SMOC1: variants seen among roughly 807,000 people sequenced by gnomAD.
SMOC1 encodes the protein SPARC related modular calcium binding 1.
In SMOC1, 22 loss-of-function variants were observed where a neutral mutation model predicts 56.3. That is an observed-to-expected ratio of 0.39 (90% CI 0.28 to 0.56). The LOEUF (loss-of-function observed/expected upper bound fraction) is 0.56. Ranked by LOEUF, SMOC1 falls within the 20% of genes least tolerant of loss-of-function variation. The pLI, the probability that SMOC1 is intolerant of heterozygous loss-of-function variation, is 0.61. For missense variants in SMOC1, 509 were observed against 565.4 expected, an observed-to-expected ratio of 0.90 and a Z score of 1.01; for synonymous variants, 193 against 215.0, an observed-to-expected ratio of 0.90 and a Z score of 0.89.
In SMOC1 at chr14:69,879,614, G is replaced by T. The variant is rs1883573791; in HGVS notation, c.-65G>T. 1.0e-5 allele frequency: 13 copies of T among 1,271,786 alleles called. No homozygotes were observed. The South Asian group carries it at 1.8e-4, about 18-fold the overall frequency. The allele number at this position is 1,271,786 out of a possible 1,614,324, so 78.8% of individuals were successfully genotyped here. A position where few individuals can be genotyped will look rare whatever the true frequency, so the allele number is the denominator to read the frequency against. On this transcript the variant is annotated 5_prime_UTR_variant, in exon 1 of 12. Transcript: ENST00000361956. ...CCCGAGCGAAGGAAGGAAGGGAGGCGCGCTGTGCGCCCCGCGGAGCCCGCG... is the reference window on the plus strand; with the variant it reads ...CCCGAGCGAAGGAAGGAAGGGAGGCTCGCTGTGCGCCCCGCGGAGCCCGCG...
At position 70,014,423 on chromosome 14, in the gene SMOC1, G is replaced by T. The variant is rs574321295; in HGVS notation, c.1046+932G>T. 1.2e-4 allele frequency among the ~76,000 whole-genome samples: 19 copies of T among 152,304 alleles called. No individual in the cohort carries two copies. The East Asian group carries it at 3.3e-3, about 26-fold the overall frequency. On this transcript the variant is annotated intron_variant, in intron 10 of 11. Transcript: ENST00000361956. ...ATCAAAGAAAAGATAGGTAGATAAA[G>T]AAAAGAGAAAGCCATTCCAGAGAGA...
At chr14:69,985,937 T>C (rs1418549618) in intron 5 of SMOC1, among the ~76,000 whole-genome samples, 1 of 152,198 alleles carries the variant, frequency 6.6e-6, no homozygotes, top group Non-Finnish European at 1.5e-5. Context: ...TAGGTATGTA[T>C]GGGGAAAAAA....
intron 1 of SMOC1, among the ~76,000 whole-genome samples, chr14:69,911,942 G>A (rs188359404): frequency 2.0e-5 from 3 of 152,330 alleles, no homozygotes; most frequent in Admixed American, 6.5e-5. Context: ...GTTTTCCAGA[G>A]TGACTGTACC....
chr14:70,021,930 C>T (rs79369163), intron 10 of SMOC1, among the ~76,000 whole-genome samples: 4 of 152,164 alleles, frequency 2.6e-5, no homozygotes, highest in African/African-American at 7.2e-5. Flanking sequence ...GACAGGCCTT[C>T]GACCCTGATC....
In SMOC1 at chr14:69,880,388, T is replaced by TC. The variant is rs2139277247; in HGVS notation, c.99+612dup. Among the ~76,000 whole-genome samples the TC allele has an allele frequency of 2.0e-5, 3 of 152,234 alleles. No homozygotes were observed. The East Asian group carries it at 5.8e-4, about 29-fold the overall frequency. ...GTGGGAGGGGAGAGTTGCGCAATGTTCAGGGGTCTCTCCCCCTGGGTTCAG... is the reference window on the plus strand; with the variant it reads ...GTGGGAGGGGAGAGTTGCGCAATGTTCCAGGGGTCTCTCCCCCTGGGTTCAG... On this transcript the variant is annotated intron_variant, in intron 1 of 11. Coordinates refer to ENST00000361956, the MANE Select transcript of SMOC1 (RefSeq NM_001034852.3).
chr14:69,962,164 T>TC (rs1270318879), intron 3 of SMOC1, among the ~76,000 whole-genome samples: 1 of 149,278 alleles, frequency 6.7e-6, no homozygotes, highest in Non-Finnish European at 1.5e-5. Flanking sequence ...ACTCTCTCTC[T>TC]TTTTTTTTTA....
chr14:69,978,815 G>A (rs985651979), intron 5 of SMOC1, among the ~76,000 whole-genome samples: 4 of 152,074 alleles, frequency 2.6e-5, no homozygotes, highest in African/African-American at 4.8e-5. Flanking sequence ...CACAAGTGAC[G>A]TAGCTGGCAT....
intron 1 of SMOC1, among the ~76,000 whole-genome samples, chr14:69,933,705 A>T (rs988928521): frequency 5.9e-5 from 9 of 152,102 alleles, no homozygotes; most frequent in East Asian, 5.8e-4. Context: ...TTTAGTAGAG[A>T]CAGGGTGTCC....
chr14:69,972,021 C>A (rs1162755161), intron 3 of SMOC1, among the ~76,000 whole-genome samples: 2 of 152,126 alleles, frequency 1.3e-5, no homozygotes, highest in Non-Finnish European at 2.9e-5. Flanking sequence ...TGGGCACTTA[C>A]CCTGTGAGCT....
intron 6 of SMOC1, chr14:69,994,117 C>G (rs1462089119): frequency 2.1e-6 from 1 of 484,262 alleles, no homozygotes; most frequent in Non-Finnish European, 3.8e-6. Context: ...TTCCTTACCT[C>G]CTGGGATAAT....
chr14:69,976,471 A>G (rs1322461088), intron 4 of SMOC1, among the ~76,000 whole-genome samples: 1 of 152,218 alleles, frequency 6.6e-6, no homozygotes, highest in Non-Finnish European at 1.5e-5. Context: ...TGATGATTAG[A>G]CAAGTTAGCA....
At position 70,010,788 on chromosome 14, in the gene SMOC1, T is replaced by C; in HGVS notation, c.699T>C (p.Ser233=). 3.1e-6 allele frequency: 5 copies of C among 1,614,132 alleles called. No individual in the cohort carries two copies. Among genetic ancestry groups the C allele is most frequent in the Non-Finnish European group, 4.2e-6 (5 of 1,180,020 alleles). Residue 233 remains serine (S), a synonymous_variant, in exon 8 of 12, where the codon AGT becomes AGC. Transcript: ENST00000361956. ...ATTCGTGTGACCAGGAGAGGCAGAGTGCCCTGGAAGAGGCCCAGCAGAATC... is the reference window on the plus strand; with the variant it reads ...ATTCGTGTGACCAGGAGAGGCAGAGCGCCCTGGAAGAGGCCCAGCAGAATC... The part of the protein sequence containing the change: ...KVYSCDQERQ[S]ALEEAQQNPR...
chr14:70,031,121 A>G lies in SMOC1; in HGVS notation c.*863A>G, dbSNP rs1886136161. On this transcript the variant is annotated 3_prime_UTR_variant, in exon 12 of 12. Coordinates refer to ENST00000361956, the MANE Select transcript of SMOC1 (RefSeq NM_001034852.3). ...GCATTACGTCACTCGAAACGTTTTC[A>G]TCCATGCTTAGCATCTACTCTGTAT... 1 of 152,230 alleles carries G rather than the reference A, an allele frequency of 6.6e-6. No individual in the cohort carries two copies. Among genetic ancestry groups the G allele is most frequent in the South Asian group, 2.1e-4 (1 of 4,836 alleles). 9.4% of individuals were successfully genotyped at this position (152,230 alleles called of 1,614,324 possible).
intron 1 of SMOC1, among the ~76,000 whole-genome samples, chr14:69,898,912 G>A (rs898060944): frequency 1.3e-5 from 2 of 152,028 alleles, no homozygotes; most frequent in Non-Finnish European, 2.9e-5. Flanking sequence ...GTGGTAAATA[G>A]GCCTTTAGTG....
At chr14:70,016,773 C>G (rs775829895) in intron 10 of SMOC1, among the ~76,000 whole-genome samples, 10 of 152,188 alleles carry the variant, frequency 6.6e-5, no homozygotes, top group Non-Finnish European at 1.2e-4. Flanking sequence ...GTTCCAGGAC[C>G]TCTATGTCAG....
chr14:69,964,146 T>C (rs1162010699), intron 3 of SMOC1, among the ~76,000 whole-genome samples: 2 of 152,274 alleles, frequency 1.3e-5, no homozygotes, highest in East Asian at 3.9e-4. Context: ...GTTTGGGTGC[T>C]CCCAGCTGGG....
intron 1 of SMOC1, among the ~76,000 whole-genome samples, chr14:69,942,054 T>C (rs1254561454): frequency 1.3e-5 from 2 of 152,198 alleles, no homozygotes; most frequent in Non-Finnish European, 2.9e-5. Context: ...TCCTCTCTTT[T>C]CCTTTCTACG....
chr14:69,923,096 C>T (rs1289598313), intron 1 of SMOC1, among the ~76,000 whole-genome samples: 1 of 152,070 alleles, frequency 6.6e-6, no homozygotes, highest in Non-Finnish European at 1.5e-5. Flanking sequence ...AGGCACCCAC[C>T]ACTACACCCG....
chr14:70,026,709 A>G (rs570295783), intron 11 of SMOC1, among the ~76,000 whole-genome samples: 7 of 152,282 alleles, frequency 4.6e-5, no homozygotes, highest in African/African-American at 1.7e-4. Flanking sequence ...GTCTGGCCAG[A>G]AAGCCCGTGT....
Sources: allele counts gnomAD v4.1 joint callset (sites outside exome capture counted in the v4.1 genomes callset), GRCh38; gene constraint gnomAD v4.1.1; transcripts MANE v1.5; gene names NCBI Gene and HGNC (gene_info 2026-07-23, HGNC 2026-07-21).